The following UTRN variants were observed in gnomAD, a reference collection of about 807,000 sequenced individuals.
UTRN encodes utrophin, also known as dystrophin-related protein 1.
In UTRN, 283 loss-of-function variants were observed where a neutral mutation model predicts 463.9. The ratio of observed to expected loss-of-function variants is 0.61; its 90% CI spans 0.55 to 0.67. The LOEUF (loss-of-function observed/expected upper bound fraction) is 0.67. UTRN is among the 30% of genes least tolerant of loss of function. The pLI is 0.00. For missense variants in UTRN, 3,922 were observed against 4,084.3 expected (o/e 0.96, Z 1.08); for synonymous variants, 1,442 against 1,431.5 (o/e 1.01, Z -0.17).
At chr6:144,770,402 C>T (rs564222376) in intron 58 of UTRN, among the ~76,000 whole-genome samples, 2 of 152,240 alleles carry the variant, frequency 1.3e-5, no homozygotes, top group South Asian at 2.1e-4. Flanking sequence ...AAAATAATTT[C>T]TCTTGAATTT....
chr6:144,690,755 C>T (rs2328598), intron 52 of UTRN, among the ~76,000 whole-genome samples: 79,072 of 151,884 alleles, frequency 0.52, 24,951 homozygotes, highest in East Asian at 0.88. Flanking sequence ...GCTCACTACA[C>T]CAGCTCCGGA....
In UTRN at chr6:144,448,902, A is replaced by G. The variant is rs891583292; in HGVS notation, c.2072+133A>G. 6 of 1,058,304 alleles carry G rather than the reference A, an allele frequency of 5.7e-6. No homozygotes were observed. The African/African-American group carries it at 9.7e-5, about 17-fold the overall frequency. The allele number at this position is 1,058,304 out of a possible 1,614,324, so 65.6% of individuals were successfully genotyped here. On this transcript the variant is annotated intron_variant, in intron 17 of 74. Coordinates refer to ENST00000367545, the MANE Select transcript of UTRN (RefSeq NM_007124.3). ...TAAGTATTATTATTATGAAAAGTCA[A>G]CTACTGAACCACTCACTGCCCCTGT...
intron 2 of UTRN, among the ~76,000 whole-genome samples, chr6:144,357,475 C>G (rs529081545): frequency 6.6e-6 from 1 of 152,304 alleles, no homozygotes; most frequent in African/African-American, 2.4e-5. Flanking sequence ...TTGTAGTCTT[C>G]CTATCCTTTC....
chr6:144,428,670 AC>A (rs911040485), intron 7 of UTRN, 107 bp from the exon 8 acceptor site: 3 of 569,860 alleles, frequency 5.3e-6, no homozygotes, highest in African/African-American at 3.8e-5. Context: ...ACTCAAAAAA[AC>A]CTCACAAATA....
At chr6:144,359,220 G>A (rs533912102) in intron 2 of UTRN, among the ~76,000 whole-genome samples, 1 of 152,334 alleles carries the variant, frequency 6.6e-6, no homozygotes, top group Admixed American at 6.5e-5. Context: ...AAGCTGTCCT[G>A]TGCTTTGGGG....
Position 144,513,943 on chromosome 6 carries a change from A to G in UTRN, c.4979A>G (p.Asn1660Ser). The change falls in exon 36 of 75, where the codon AAC (asparagine) becomes AGC (serine). Residue 1660 changes from asparagine (N) to serine (S), a missense_variant. By Grantham distance (46) the Asn-to-Ser change is conservative. Around this residue, in one of 3 missense-constraint regions of UTRN, gnomAD observed 2,349 missense variants for 2,303.8 expected, o/e 1.02. Coordinates refer to ENST00000367545, the MANE Select transcript of UTRN (RefSeq NM_007124.3). Reference sequence around the variant, plus strand: ...AACCAGCTAGAAATATTTGATGGGAACGTGGCTCACATAAGTACCTGGCTT... The same window carrying G: ...AACCAGCTAGAAATATTTGATGGGAGCGTGGCTCACATAAGTACCTGGCTT... ...HQNQLEIFDG[N>S]VAHISTWLYQ... 1 of 1,614,006 alleles carries G rather than the reference A, an allele frequency of 6.2e-7. No homozygotes were observed. Among genetic ancestry groups the G allele is most frequent in the Middle Eastern group, 1.7e-4 (1 of 6,058 alleles).
chr6:144,795,786 G>T (rs1777159681), intron 63 of UTRN, among the ~76,000 whole-genome samples: 1 of 152,004 alleles, frequency 6.6e-6, no homozygotes, highest in Admixed American at 6.6e-5. Context: ...TTGTCAGATG[G>T]ATAGATTGCA....
chr6:144,321,834 C>A (rs1775675778), intron 2 of UTRN, among the ~76,000 whole-genome samples: 1 of 149,888 alleles, frequency 6.7e-6, no homozygotes, highest in African/African-American at 2.5e-5. Flanking sequence ...GGCGTGATCT[C>A]CACTCATTGC....
intron 45 of UTRN, among the ~76,000 whole-genome samples, chr6:144,541,227 A>G (rs1469525358): frequency 1.3e-5 from 2 of 152,156 alleles, no homozygotes; most frequent in Non-Finnish European, 2.9e-5. Flanking sequence ...GAGGCTTCTC[A>G]TGGCCTGGCG....
rs1226891570 is a variant in UTRN at position 144,752,075 on chromosome 6, G to A, written c.8355+123G>A. The A allele has an allele frequency of 8.0e-6, 8 of 997,632 alleles. No individual in the cohort carries two copies. In the Admixed American group the frequency reaches 1.1e-4, roughly 14 times the overall value. 61.8% of individuals were successfully genotyped at this position (997,632 alleles called of 1,614,324 possible). On this transcript the variant is annotated intron_variant, in intron 56 of 74. Transcript: ENST00000367545. ...CTGATGGTATTTGATAATGAATTTA[G>A]CATGTGATGACATCAGGTATTTGTC...
chr6:144,462,953 AT>A, intron 23 of UTRN, 87 bp downstream of exon 23: 1 of 1,118,640 alleles, frequency 8.9e-7, no homozygotes, highest in Non-Finnish European at 1.3e-6. Context: ...TTATTTAAAT[AT>A]TTTACATTCT....
intron 62 of UTRN, 87 bp downstream of exon 62, chr6:144,789,366 G>T: frequency 8.7e-7 from 1 of 1,144,210 alleles, no homozygotes; most frequent in Non-Finnish European, 1.2e-6. Context: ...TATATAATTT[G>T]TTAGTAGTAA....
At chr6:144,842,135 G>A (rs76985233) in intron 73 of UTRN, among the ~76,000 whole-genome samples, 59 of 100,378 alleles carry the variant, frequency 5.9e-4, no homozygotes, top group South Asian at 3.1e-3. Context: ...AAAAAAAAAA[G>A]CCATCCGAAA....
At chr6:144,791,303 C>T (rs1562916056) in intron 62 of UTRN, among the ~76,000 whole-genome samples, 1 of 152,050 alleles carries the variant, frequency 6.6e-6, no homozygotes, top group African/African-American at 2.4e-5. Flanking sequence ...GTGTCTTCAC[C>T]CCATAACACC....
At chr6:144,369,444 C>T (rs1033159809) in intron 2 of UTRN, among the ~76,000 whole-genome samples, 1 of 152,150 alleles carries the variant, frequency 6.6e-6, no homozygotes, top group Non-Finnish European at 1.5e-5. Context: ...TGGTAAAACC[C>T]CGTCTTTACT....
At chr6:144,495,485 A>C (rs1793543027) in intron 33 of UTRN, among the ~76,000 whole-genome samples, 1 of 152,182 alleles carries the variant, frequency 6.6e-6, no homozygotes, top group Non-Finnish European at 1.5e-5. Flanking sequence ...GCTGGCCCAC[A>C]AGCGTGGCGC....
At chr6:144,551,351 T>C (rs972796492) in intron 48 of UTRN, among the ~76,000 whole-genome samples, 2 of 152,210 alleles carry the variant, frequency 1.3e-5, no homozygotes, top group African/African-American at 4.8e-5. Flanking sequence ...CATTGGGTTT[T>C]CTTCTCTTAA....
At chr6:144,345,187 T>TA (rs112943246) in intron 2 of UTRN, among the ~76,000 whole-genome samples, 23,777 of 152,158 alleles carry the variant, frequency 0.16, 5,627 homozygotes, top group African/African-American at 0.51. Context: ...TAAGGGGTTG[T>TA]AGCGTTGTCT....
chr6:144,580,395 G>C (rs1801860086), intron 51 of UTRN, among the ~76,000 whole-genome samples: 1 of 152,202 alleles, frequency 6.6e-6, no homozygotes, highest in Admixed American at 6.5e-5. Context: ...AAGGCCATGG[G>C]AGTATTTCAG....
Sources: gnomAD v4.1 joint callset for allele counts (sites outside exome capture counted in the v4.1 genomes callset) on GRCh38, gnomAD v4.1.1 for gene constraint, gnomAD v4.1.1 regional missense constraint, MANE v1.5 for transcripts, NCBI Gene and HGNC (gene_info 2026-07-23, HGNC 2026-07-21) for gene names.